PLEKHA6: variants seen among roughly 807,000 people sequenced by gnomAD.
PLEKHA6 encodes pleckstrin homology domain-containing family A member 6.
A neutral mutation model predicts 116.7 loss-of-function variants in PLEKHA6; 60 were observed. The ratio of observed to expected loss-of-function variants is 0.51; its 90% CI spans 0.42 to 0.64. The LOEUF is 0.64. Among genes scored for constraint, PLEKHA6 ranks in the 30% least tolerant of loss-of-function variants. The pLI is 0.00. For synonymous variants in PLEKHA6, 489 were observed against 556.1 expected, an observed-to-expected ratio of 0.88 and a Z score of 1.70; for missense variants, 1,338 against 1,422.7, an observed-to-expected ratio of 0.94 and a Z score of 0.96.
At chr1:204,308,553 G>A (rs1439862368) in intron 1 of PLEKHA6, among the ~76,000 whole-genome samples, 1 of 152,048 alleles carries the variant, frequency 6.6e-6, no homozygotes, top group Non-Finnish European at 1.5e-5. Context: ...ATGAGGCTAA[G>A]GATCCCATCT....
At chr1:204,227,545 T>C (rs1035214498) in intron 21 of PLEKHA6, among the ~76,000 whole-genome samples, 9 of 152,160 alleles carry the variant, frequency 5.9e-5, no homozygotes, top group East Asian at 1.9e-4. Flanking sequence ...CAGTTCCTCA[T>C]AGTTATCTTT....
At chr1:204,282,001 G>A (rs1056880805) in intron 1 of PLEKHA6, among the ~76,000 whole-genome samples, 6 of 152,160 alleles carry the variant, frequency 3.9e-5, no homozygotes, top group East Asian at 1.9e-4. Flanking sequence ...AGATGGCTCC[G>A]TGGACAAGGG....
intron 1 of PLEKHA6, among the ~76,000 whole-genome samples, chr1:204,316,975 T>C (rs1245827784): frequency 1.3e-5 from 2 of 152,124 alleles, no homozygotes; most frequent in Non-Finnish European, 2.9e-5. Flanking sequence ...AATCACATAA[T>C]CTACCGTGCC....
chr1:204,290,384 T>C (rs1033901070), intron 1 of PLEKHA6, among the ~76,000 whole-genome samples: 1 of 152,266 alleles, frequency 6.6e-6, no homozygotes, highest in African/African-American at 2.4e-5. Context: ...TCCACACATT[T>C]TGGTCAATTG....
At chr1:204,334,831 G>A (rs1243637343) in intron 1 of PLEKHA6, among the ~76,000 whole-genome samples, 1 of 152,132 alleles carries the variant, frequency 6.6e-6, no homozygotes, top group African/African-American at 2.4e-5. Context: ...CTCAGGAGGT[G>A]GAGGTTACAT....
intron 1 of PLEKHA6, among the ~76,000 whole-genome samples, chr1:204,346,542 A>T (rs1318937465): frequency 6.6e-6 from 1 of 152,008 alleles, no homozygotes; most frequent in Non-Finnish European, 1.5e-5. Context: ...GTTAATACAC[A>T]CCCACACTCA....
At chr1:204,255,281 G>A (rs1412134027) in intron 9 of PLEKHA6, among the ~76,000 whole-genome samples, 1 of 152,122 alleles carries the variant, frequency 6.6e-6, no homozygotes, top group East Asian at 1.9e-4. Flanking sequence ...CCAGCCTAGA[G>A]CTCCCTCGAC....
Position 204,277,453 on chromosome 1 carries a change from T to C in PLEKHA6, c.-94-2644A>G, listed in dbSNP as rs1200651370. ...ACCTCAGTGAGCTAAGGACGCAGAG[T>C]AGCTGGACGGGTGAAGGAGTCTGGG... On this transcript the variant is annotated intron_variant, in intron 1 of 22. Coordinates refer to ENST00000272203, the MANE Select transcript of PLEKHA6 (RefSeq NM_014935.5). This position sits in a 1 kb window ranked among gnomAD's most constrained non-coding sequence, Gnocchi z 4.1. 6.6e-6 allele frequency among the ~76,000 whole-genome samples: 1 copy of C among 151,880 alleles called. No individual in the cohort carries two copies. Among genetic ancestry groups the C allele is most frequent in the Non-Finnish European group, 1.5e-5 (1 of 67,966 alleles).
chr1:204,257,674 G>C lies in PLEKHA6; in HGVS notation c.1203C>G (p.Gly401=), dbSNP rs1238790363. 1.9e-6 allele frequency: 3 copies of C among 1,610,192 alleles called. No homozygotes were observed. Among genetic ancestry groups the C allele is most frequent in the Non-Finnish European group, 2.5e-6 (3 of 1,178,438 alleles). Residue 401 remains glycine, a synonymous_variant, in exon 9 of 23, where the codon GGC becomes GGG. Coordinates refer to ENST00000272203, the MANE Select transcript of PLEKHA6 (RefSeq NM_014935.5). The surrounding 1 kb of genome is among the most constrained non-coding windows in gnomAD (Gnocchi z 6.5). ...TCCACTCTCGCAGCTGGTAGGCAGG[G>C]CCACCCCCATTGCGGAAGGCATGGC... ...DKRHAFRNGG[G]PAYQLREWKE...
chr1:204,245,471 C>A (rs1663515226), intron 14 of PLEKHA6, 144 bp downstream of exon 14: 1 of 614,680 alleles, frequency 1.6e-6, no homozygotes, highest in African/African-American at 1.8e-5. Context: ...ACCCTAGAAC[C>A]CAGGGGAAGA....
chr1:204,242,468 A>G (rs1359740281), intron 15 of PLEKHA6, among the ~76,000 whole-genome samples: 3 of 152,210 alleles, frequency 2.0e-5, no homozygotes, highest in African/African-American at 7.2e-5. Flanking sequence ...TCACCAGGCA[A>G]ACACTCAAGG....
chr1:204,297,125 G>C, intron 1 of PLEKHA6: 1 of 982,962 alleles, frequency 1.0e-6, no homozygotes, highest in Non-Finnish European at 1.2e-6. Flanking sequence ...GATAAAATCC[G>C]AATCAGATGG....
chr1:204,309,207 C>G, intron 1 of PLEKHA6: 1 of 207,248 alleles, frequency 4.8e-6, no homozygotes, highest in Non-Finnish European at 8.5e-6. Flanking sequence ...AGGTCTCCCC[C>G]GCATCTCAAC....
At chr1:204,285,552 C>T (rs932229106) in intron 1 of PLEKHA6, among the ~76,000 whole-genome samples, 4 of 151,774 alleles carry the variant, frequency 2.6e-5, no homozygotes, top group African/African-American at 7.3e-5. Context: ...TTTGGCTCAC[C>T]GCAGGCTCCG....
chr1:204,298,471 G>T (rs1670502971), intron 1 of PLEKHA6, among the ~76,000 whole-genome samples: 1 of 152,154 alleles, frequency 6.6e-6, no homozygotes. Context: ...CCAGGTTCCG[G>T]GTCTTTTCTG....
chr1:204,262,470 G>C (rs908099039), intron 6 of PLEKHA6, among the ~76,000 whole-genome samples: 1 of 152,140 alleles, frequency 6.6e-6, no homozygotes, highest in Admixed American at 6.5e-5. Context: ...ACACTTCCCA[G>C]TGAGATCCTC....
intron 1 of PLEKHA6, chr1:204,346,753 G>A (rs1310899879): frequency 1.3e-6 from 1 of 742,328 alleles, no homozygotes; most frequent in East Asian, 2.7e-5. Flanking sequence ...TCTCCCATTT[G>A]CTTTTTTTTT....
At chr1:204,336,563 C>CGT (rs10538125) in intron 1 of PLEKHA6, among the ~76,000 whole-genome samples, 10,885 of 148,956 alleles carry the variant, frequency 0.073, 436 homozygotes, top group Non-Finnish European at 0.086. Flanking sequence ...GGTGTGTGAG[C>CGT]GTGTGTGTGT....
intron 1 of PLEKHA6, chr1:204,299,618 C>T: frequency 1.0e-6 from 1 of 984,376 alleles, no homozygotes; most frequent in Non-Finnish European, 1.2e-6. Context: ...ATCTCGCATT[C>T]TTTCTCCTGC....
Sources: allele counts gnomAD v4.1 joint callset (sites outside exome capture counted in the v4.1 genomes callset), GRCh38; gene constraint gnomAD v4.1.1; non-coding constraint Gnocchi (gnomAD v3.1); transcripts MANE v1.5; gene names NCBI Gene and HGNC (gene_info 2026-07-23, HGNC 2026-07-21).